The following RASAL2 variants were observed in gnomAD, a reference collection of about 807,000 sequenced individuals.
The protein encoded by RASAL2 is RAS protein activator like 2, also known as ras GTPase-activating protein nGAP.
Under a neutral mutation model 128.9 loss-of-function variants are expected in RASAL2, and 58 were observed. The ratio of observed to expected loss-of-function variants is 0.45; its 90% CI spans 0.36 to 0.56. The LOEUF is 0.56. RASAL2 is among the 20% of genes least tolerant of loss of function. The pLI is 0.00. For synonymous variants in RASAL2, 561 were observed against 580.8 expected, an observed-to-expected ratio of 0.97 and a Z score of 0.49; for missense variants, 1,360 against 1,601.6, an observed-to-expected ratio of 0.85 and a Z score of 2.57.
At chr1:178,319,901 C>T (rs543491477) in intron 3 of RASAL2, among the ~76,000 whole-genome samples, 32 of 152,292 alleles carry the variant, frequency 2.1e-4, no homozygotes, top group Admixed American at 1.8e-3. Context: ...TTTTCTGTTC[C>T]GTTTTTTCTC....
rs1339442522 is a variant in RASAL2, at chr1:178,437,016, GT to G, written c.675-2403del. Among the ~76,000 whole-genome samples, 4 of 152,100 alleles carry G rather than the reference GT, an allele frequency of 2.6e-5. No individual in the cohort carries two copies. The South Asian group carries it at 8.3e-4, about 31-fold the overall frequency. On this transcript the variant is annotated intron_variant, in intron 5 of 17. Transcript: ENST00000367649. ...GTCTTAAAGTAGTCAACTTTGCCAT[GT>G]TTGCAGAGCATGCCCCTTGCGTTAT...
chr1:178,267,476 C>CTT (rs75591274), intron 1 of RASAL2, among the ~76,000 whole-genome samples: 1 of 137,804 alleles, frequency 7.3e-6, no homozygotes, highest in Non-Finnish European at 1.6e-5. Flanking sequence ...TTTTTCCTTC[C>CTT]TTTTTTTTTT....
rs114376128 is a variant in RASAL2, at chr1:178,210,590, T to C, written c.203-72974T>C. Reference sequence around the variant, plus strand: ...AGTCTTATCCTACTTTGCGGGAATGTTGTTAAAGTTTGCTTCAGACTGATA... The same window carrying C: ...AGTCTTATCCTACTTTGCGGGAATGCTGTTAAAGTTTGCTTCAGACTGATA... On this transcript the variant is annotated intron_variant, in intron 1 of 17. Transcript: ENST00000367649. Among the ~76,000 whole-genome samples the C allele has an allele frequency of 4.7e-3, 711 of 152,344 alleles. 8 individuals carry two copies. Among genetic ancestry groups the C allele is most frequent in the African/African-American group, 0.016 (682 of 41,576 alleles).
chr1:178,154,251 A>G (rs1033049056), intron 1 of RASAL2, among the ~76,000 whole-genome samples: 5 of 152,040 alleles, frequency 3.3e-5, no homozygotes, highest in East Asian at 3.9e-4. Context: ...GGCTCCAGCA[A>G]TCCTCCCATC....
At chr1:178,412,247 A>C (rs1338190328) in intron 4 of RASAL2, among the ~76,000 whole-genome samples, 2 of 152,170 alleles carry the variant, frequency 1.3e-5, no homozygotes, top group Non-Finnish European at 2.9e-5. Flanking sequence ...GAGAGATTGA[A>C]ACATGAGAGC....
At chr1:178,254,982 A>G (rs550837095) in intron 1 of RASAL2, among the ~76,000 whole-genome samples, 100 of 151,448 alleles carry the variant, frequency 6.6e-4, no homozygotes, top group East Asian at 3.9e-3. Flanking sequence ...TCTGTGGGGG[A>G]AAAAAAAAGG....
At chr1:178,208,102 T>TAACTGTAC (rs1193299489) in intron 1 of RASAL2, among the ~76,000 whole-genome samples, 5 of 152,210 alleles carry the variant, frequency 3.3e-5, no homozygotes, top group African/African-American at 1.2e-4. Context: ...ATTATTGTGT[T>TAACTGTAC]AACTGTACAA....
At chr1:178,270,232 T>A (rs1186060765) in intron 1 of RASAL2, among the ~76,000 whole-genome samples, 1 of 152,116 alleles carries the variant, frequency 6.6e-6, no homozygotes, top group East Asian at 1.9e-4. Context: ...TGCTGGACAC[T>A]CGGGTTTCGA....
At chr1:178,095,575 G>T (rs1176972464) in intron 1 of RASAL2, among the ~76,000 whole-genome samples, 2 of 152,114 alleles carry the variant, frequency 1.3e-5, no homozygotes, top group Non-Finnish European at 2.9e-5. Flanking sequence ...GAAGCACCTG[G>T]GATCAAACAC....
chr1:178,456,684 CTTA>C lies in RASAL2; in HGVS notation c.2212-32_2212-30del, dbSNP rs765341551. ...ACAATCTGTGGTGGATGTCGCAATG[CTTA>C]TTATCCAATTAGGGTGAAAATTCCT... is the stretch of plus-strand genomic sequence containing the variant. On this transcript the variant is annotated intron_variant, in intron 12 of 17. Transcript: ENST00000367649. 16 of 1,609,980 alleles carry C rather than the reference CTTA, an allele frequency of 9.9e-6. No homozygotes were observed. In the African/African-American group the frequency reaches 1.7e-4, roughly 17 times the overall value.
chr1:178,394,859 G>A (rs984379348), intron 4 of RASAL2, among the ~76,000 whole-genome samples: 2 of 151,990 alleles, frequency 1.3e-5, no homozygotes, highest in Admixed American at 6.6e-5. Context: ...AGAAAACATT[G>A]TCAAAAAAAC....
At chr1:178,340,078 A>G (rs1669786255) in intron 3 of RASAL2, among the ~76,000 whole-genome samples, 1 of 152,152 alleles carries the variant, frequency 6.6e-6, no homozygotes. Flanking sequence ...GGAACTTATC[A>G]CAGTGATTTA....
At chr1:178,180,024 C>G (rs188188592) in intron 1 of RASAL2, among the ~76,000 whole-genome samples, 1 of 152,178 alleles carries the variant, frequency 6.6e-6, no homozygotes, top group East Asian at 1.9e-4. Flanking sequence ...AATGAAAGAT[C>G]GTTCACTGGA....
At chr1:178,215,462 C>T (rs1051126290) in intron 1 of RASAL2, among the ~76,000 whole-genome samples, 3 of 152,198 alleles carry the variant, frequency 2.0e-5, no homozygotes, top group Non-Finnish European at 4.4e-5. Context: ...TTGGACCTTA[C>T]GTGAGTGGAA....
At position 178,097,496 on chromosome 1, in the gene RASAL2, A is replaced by G. The variant is rs574008188; in HGVS notation, c.202+2802A>G. ...AGTGAACTGAGTTTTCAAAGAAGAT[A>G]TATTGAAGGCAGATGTTTATTTATT... On this transcript the variant is annotated intron_variant, in intron 1 of 17. Coordinates refer to ENST00000367649, the MANE Select transcript of RASAL2 (RefSeq NM_170692.4). Among the ~76,000 whole-genome samples the G allele has an allele frequency of 4.0e-4, 61 of 152,308 alleles. 1 individual carries two copies. The highest frequency in any genetic ancestry group is 1.5e-3 in the African/African-American group (61 of 41,576).
chr1:178,168,494 A>C (rs192057871), intron 1 of RASAL2, among the ~76,000 whole-genome samples: 1 of 152,140 alleles, frequency 6.6e-6, no homozygotes, highest in Non-Finnish European at 1.5e-5. Context: ...TGTAATCAGA[A>C]GTTTTTACTG....
chr1:178,334,376 T>G (rs1474348571), intron 3 of RASAL2, among the ~76,000 whole-genome samples: 1 of 151,898 alleles, frequency 6.6e-6, no homozygotes, highest in African/African-American at 2.4e-5. Flanking sequence ...TTTGCTCTTG[T>G]CACCCAGGCC....
intron 1 of RASAL2, among the ~76,000 whole-genome samples, chr1:178,181,786 T>G (rs1269407206): frequency 6.6e-6 from 1 of 152,144 alleles, no homozygotes; most frequent in Non-Finnish European, 1.5e-5. Context: ...AGTTTTTTTT[T>G]TTTTAATCAT....
At position 178,114,062 on chromosome 1, in the gene RASAL2, G is replaced by GTT. The variant is rs35864957; in HGVS notation, c.202+19376_202+19377dup. ...GCTAAACTCATTTATTATTTCTAGT[G>GTT]TTTTTTTTTGTTTTGTTTTGTTTTT... On this transcript the variant is annotated intron_variant, in intron 1 of 17. Coordinates refer to ENST00000367649, the MANE Select transcript of RASAL2 (RefSeq NM_170692.4). Among the ~76,000 whole-genome samples, 10 of 150,354 alleles carry GTT rather than the reference G, an allele frequency of 6.7e-5. No individual in the cohort carries two copies. In the East Asian group the frequency reaches 1.8e-3, roughly 27 times the overall value.
Sources: allele counts gnomAD v4.1 joint callset (sites outside exome capture counted in the v4.1 genomes callset), GRCh38; gene constraint gnomAD v4.1.1; transcripts MANE v1.5; gene names NCBI Gene and HGNC (gene_info 2026-07-23, HGNC 2026-07-21).